The following CPNE6 variants were observed in gnomAD, a reference collection of about 807,000 sequenced individuals.
The protein encoded by CPNE6 is copine-6.
Under a neutral mutation model 71.5 loss-of-function variants are expected in CPNE6, and 33 were observed. The ratio of observed to expected loss-of-function variants is 0.46; its 90% CI spans 0.35 to 0.62. The LOEUF (loss-of-function observed/expected upper bound fraction) is 0.62, where lower values mean the gene tolerates loss of function less well. Ranked by LOEUF, CPNE6 falls within the 20% of genes least tolerant of loss-of-function variation. CPNE6 has a pLI of 0.00. For synonymous variants in CPNE6, 296 were observed against 293.0 expected (o/e 1.01, Z -0.10); for missense variants, 576 against 747.3 (o/e 0.77, Z 2.67).
chr14:24,075,395 C>T lies in CPNE6; in HGVS notation c.778-110C>T, dbSNP rs1403054824. 3 of 1,392,234 alleles carry T rather than the reference C, an allele frequency of 2.2e-6. No homozygotes were observed. Among genetic ancestry groups the T allele is most frequent in the African/African-American group, 2.8e-5 (2 of 70,522 alleles). The allele number at this position is 1,392,234 out of a possible 1,614,324, so 86.2% of individuals were successfully genotyped here. On this transcript the variant is annotated intron_variant, in intron 9 of 17. Coordinates refer to ENST00000397016, the Ensembl canonical transcript of CPNE6. The surrounding 1 kb of genome is among the most constrained non-coding windows in gnomAD (Gnocchi z 4.3). ...GGAGAGGGTGGAAAGCACCTGGGCT[C>T]AGCTGAAGGACGGAACCATGGGGGT...
At position 24,071,703 on chromosome 14, in the gene CPNE6, A is replaced by G. The variant is rs557611483; in HGVS notation, c.-5+62A>G. The G allele has an allele frequency of 3.7e-4, 252 of 683,450 alleles. 2 individuals carry two copies. The highest frequency in any genetic ancestry group is 3.4e-3 in the African/African-American group (191 of 56,008). 42.3% of individuals were successfully genotyped at this position (683,450 alleles called of 1,614,324 possible). A position where few individuals can be genotyped will look rare whatever the true frequency, so the allele number is the denominator to read the frequency against. On this transcript the variant is annotated intron_variant, in intron 2 of 17. Coordinates refer to ENST00000397016, the Ensembl canonical transcript of CPNE6. ...CAGCCCAGCTTGGCCCAGTCTCCAT[A>G]ACAACATCTCCTGGAGCCCGCAGAG... is the stretch of plus-strand genomic sequence containing the variant.
chr14:24,071,106 T>C (rs1270798652), intron 1 of CPNE6: 6 of 1,402,180 alleles, frequency 4.3e-6, no homozygotes, highest in African/African-American at 1.4e-5. Context: ...CCTTAGCTAG[T>C]GTAACAATGT....
In CPNE6 at chr14:24,073,105, G is replaced by T; in HGVS notation, c.168+1G>T. The T allele has an allele frequency of 6.9e-7, 1 of 1,452,612 alleles. No homozygotes were observed. The highest frequency in any genetic ancestry group is 9.1e-7 in the Non-Finnish European group (1 of 1,102,138). 90.0% of individuals were successfully genotyped at this position (1,452,612 alleles called of 1,614,324 possible). A position where few individuals can be genotyped will look rare whatever the true frequency, so the allele number is the denominator to read the frequency against. On this transcript the variant is annotated splice_donor_variant, in intron 3 of 17. Transcript: ENST00000397016. LOFTEE classifies it high-confidence loss of function. The surrounding 1 kb of genome is among the most constrained non-coding windows in gnomAD (Gnocchi z 5.5). ...CTACTCTGATGAGCAGTGGGTGGAG[G>T]TGAGAGCAGCTCAGGTTTCTCCTTA... is the stretch of plus-strand genomic sequence containing the variant.
exon 3 of CPNE6, chr14:24,072,967 G>C: frequency 6.3e-7 from 1 of 1,585,246 alleles, no homozygotes; most frequent in Non-Finnish European, 8.6e-7. Flanking sequence ...ATGGGTGCCT[G>C]AGCCCCCAAC....
rs777186478 is a variant in CPNE6 at position 24,071,019 on chromosome 14, T to C, written c.-129T>C. The C allele has an allele frequency of 2.7e-5, 42 of 1,535,582 alleles. No individual in the cohort carries two copies. The South Asian group carries it at 4.8e-4, about 17-fold the overall frequency. ...GGAGCACGGGAAGATCACATCCTGC[T>C]GTATTCCGGGTTAGTTTGAGTGAGT... On this transcript the variant is annotated 5_prime_UTR_variant, in exon 1 of 18. Coordinates refer to ENST00000397016, the Ensembl canonical transcript of CPNE6.
rs1024168653 is a variant in CPNE6, at chr14:24,075,009, A to G, written c.673-163A>G. Among the ~76,000 whole-genome samples the G allele has an allele frequency of 5.3e-5, 8 of 152,168 alleles. No individual in the cohort carries two copies. Among genetic ancestry groups the G allele is most frequent in the African/African-American group, 1.9e-4 (8 of 41,418 alleles). On this transcript the variant is annotated intron_variant, in intron 8 of 17. Transcript: ENST00000397016. The surrounding 1 kb of genome is among the most constrained non-coding windows in gnomAD (Gnocchi z 4.3). ...TCCCTAGCAGACTGAGCCAAAGAAC[A>G]AAGTTCAGCAGGTGGCCTCTCCGGG...
chr14:24,072,647 C>A, intron 2 of CPNE6: 1 of 318,756 alleles, frequency 3.1e-6, no homozygotes, highest in South Asian at 1.5e-4. Flanking sequence ...GGCCTAGGAG[C>A]CAAGACTGCC....
chr14:24,074,877 C>T lies in CPNE6; in HGVS notation c.672+82C>T. On this transcript the variant is annotated intron_variant, in intron 8 of 17. Transcript: ENST00000397016. The surrounding 1 kb of genome is among the most constrained non-coding windows in gnomAD (Gnocchi z 4.5). ...GACCTTTCCCCTGCATGTGGCAAGC[C>T]TCCCTCCTCTCCCCCAAGTGATAAT... 9.2e-7 allele frequency: 1 copy of T among 1,083,988 alleles called. No individual in the cohort carries two copies. Among genetic ancestry groups the T allele is most frequent in the Non-Finnish European group, 1.4e-6 (1 of 723,700 alleles). 67.1% of individuals were successfully genotyped at this position (1,083,988 alleles called of 1,614,324 possible). A position where few individuals can be genotyped will look rare whatever the true frequency, so the allele number is the denominator to read the frequency against.
chr14:24,076,698 C>T (rs763632135), intron 14 of CPNE6, 141 bp downstream of exon 13: 45 of 1,439,382 alleles, frequency 3.1e-5, no homozygotes, highest in South Asian at 5.8e-5. Context: ...CTTCCAGGGC[C>T]GAGGCCCAGC....
Position 24,075,349 on chromosome 14 carries a change from C to T in CPNE6, c.777+73C>T. ...AATCCTGAGGGTGATGCTGAAGAGACCACCATAGGTGATAGGAAGTGGAGA... is the reference window on the plus strand; with the variant it reads ...AATCCTGAGGGTGATGCTGAAGAGATCACCATAGGTGATAGGAAGTGGAGA... On this transcript the variant is annotated intron_variant, in intron 9 of 17. Transcript: ENST00000397016. This position sits in a 1 kb window ranked among gnomAD's most constrained non-coding sequence, Gnocchi z 4.3. 6 of 1,443,080 alleles carry T rather than the reference C, an allele frequency of 4.2e-6. No homozygotes were observed. The highest frequency in any genetic ancestry group is 5.9e-6 in the Non-Finnish European group (6 of 1,024,622). 89.4% of individuals were successfully genotyped at this position (1,443,080 alleles called of 1,614,324 possible). A position where few individuals can be genotyped will look rare whatever the true frequency, so the allele number is the denominator to read the frequency against.
Position 24,074,416 on chromosome 14 carries a change from C to T in CPNE6, c.498+51C>T. 1.3e-6 allele frequency: 2 copies of T among 1,553,826 alleles called. No homozygotes were observed. The highest frequency in any genetic ancestry group is 1.7e-6 in the Non-Finnish European group (2 of 1,145,820). Reference sequence around the variant, plus strand: ...CAACTCCCCTGTCACTCCTAGGCCTCCCACTCAAGACAGATCCCAGGAGCC... The same window carrying T: ...CAACTCCCCTGTCACTCCTAGGCCTTCCACTCAAGACAGATCCCAGGAGCC... On this transcript the variant is annotated intron_variant, in intron 6 of 17. Coordinates refer to ENST00000397016, the Ensembl canonical transcript of CPNE6. The surrounding 1 kb of genome is among the most constrained non-coding windows in gnomAD (Gnocchi z 4.5).
chr14:24,071,501 G>GGGGCC, intron 1 of CPNE6, 61 bp from the exon 1 acceptor site: 606 of 1,415,430 alleles, frequency 4.3e-4, no homozygotes, highest in Non-Finnish European at 5.3e-4. Context: ...CTGGTGCTGC[G>GGGGCC]CCCCCCCCCA....
At position 24,073,162 on chromosome 14, in the gene CPNE6, G is replaced by A. The variant is rs916154034; in HGVS notation, c.168+58G>A. On this transcript the variant is annotated intron_variant, in intron 3 of 17. Coordinates refer to ENST00000397016, the Ensembl canonical transcript of CPNE6. This position sits in a 1 kb window ranked among gnomAD's most constrained non-coding sequence, Gnocchi z 5.5. Reference sequence around the variant, plus strand: ...CTGGGTTAAGCTTGGGAAAGAGGGAGGCTGGGTGGGAGCAGTGAAAGCCTT... The same window carrying A: ...CTGGGTTAAGCTTGGGAAAGAGGGAAGCTGGGTGGGAGCAGTGAAAGCCTT... 6 of 1,400,404 alleles carry A rather than the reference G, an allele frequency of 4.3e-6. No individual in the cohort carries two copies. The highest frequency in any genetic ancestry group is 4.6e-6 in the Non-Finnish European group (5 of 1,076,014). 86.7% of individuals were successfully genotyped at this position (1,400,404 alleles called of 1,614,324 possible).
intron 2 of CPNE6, 35 bp downstream of exon 1, chr14:24,071,676 C>G (rs1007240690): frequency 2.7e-6 from 2 of 750,136 alleles, no homozygotes; most frequent in Non-Finnish European, 4.6e-6. Context: ...CCAGCCCCAG[C>G]CCAGCCCAGC....
chr14:24,076,986 C>A, exon 15 of CPNE6: 1 of 1,611,642 alleles, frequency 6.2e-7, no homozygotes, highest in Non-Finnish European at 8.5e-7. Context: ...GCCGGCCCAG[C>A]GGGAGCAGAG....
rs1365263783 is a variant in CPNE6 at position 24,077,165 on chromosome 14, G to A, written c.1311G>A (p.Val437=). ...CTGCTTGCCCTCAGAAGTACTCGGT[G>A]CTGCTGGTGCTCACTGACGGTGTGG... is the stretch of plus-strand genomic sequence containing the variant. The change falls in exon 16 of 18, where the codon GTG becomes GTA. Residue 437 remains valine, a synonymous_variant. Transcript: ENST00000397016. This position sits in a 1 kb window ranked among gnomAD's most constrained non-coding sequence, Gnocchi z 6.1. 5 of 1,604,294 alleles carry A rather than the reference G, an allele frequency of 3.1e-6. No homozygotes were observed. In the East Asian group the frequency reaches 6.7e-5, roughly 21 times the overall value.
exon 1 of CPNE6, chr14:24,071,007 A>C: frequency 6.5e-7 from 1 of 1,535,698 alleles, no homozygotes; most frequent in South Asian, 1.2e-5. Flanking sequence ...GCACGGGAAG[A>C]TCACATCCTG....
At position 24,073,064 on chromosome 14, in the gene CPNE6, G is replaced by T; in HGVS notation, c.128G>T (p.Cys43Phe). The T allele has an allele frequency of 6.5e-7, 1 of 1,533,326 alleles. No homozygotes were observed. Among genetic ancestry groups the T allele is most frequent in the East Asian group, 2.5e-5 (1 of 40,186 alleles). 95.0% of individuals were successfully genotyped at this position (1,533,326 alleles called of 1,614,324 possible). The change falls in exon 3 of 18, where the codon TGC becomes TTC. Residue 43 changes from cysteine (C) to phenylalanine (F), a missense_variant. Cys to Phe is a radical substitution (Grantham distance 205). This residue lies in a region of CPNE6 where 89 missense variants were observed against 80.4 expected (regional missense o/e 1.11). Transcript: ENST00000397016. This position sits in a 1 kb window ranked among gnomAD's most constrained non-coding sequence, Gnocchi z 5.5. ...GACACACTCACCAAACCCCACCCCT[G>T]CGTGCTGCTCAAGCTCTACTCTGAT...
chr14:24,077,997 A>C lies in CPNE6; in HGVS notation c.*147A>C. 1 of 367,742 alleles carries C rather than the reference A, an allele frequency of 2.7e-6. No individual in the cohort carries two copies. 22.8% of individuals were successfully genotyped at this position (367,742 alleles called of 1,614,324 possible). A position where few individuals can be genotyped will look rare whatever the true frequency, so the allele number is the denominator to read the frequency against. Reference sequence around the variant, plus strand: ...GGTGGGTCCTGCTCCTATCTCTCCAAACCCCATACCCTTCAATGCTGTGGC... The same window carrying C: ...GGTGGGTCCTGCTCCTATCTCTCCACACCCCATACCCTTCAATGCTGTGGC... On this transcript the variant is annotated 3_prime_UTR_variant, in exon 18 of 18. Coordinates refer to ENST00000397016, the Ensembl canonical transcript of CPNE6. This position sits in a 1 kb window ranked among gnomAD's most constrained non-coding sequence, Gnocchi z 6.1.
Sources: gnomAD v4.1 joint callset for allele counts (sites outside exome capture counted in the v4.1 genomes callset) on GRCh38, gnomAD v4.1.1 for gene constraint, gnomAD v4.1.1 regional missense constraint, Gnocchi (gnomAD v3.1) non-coding constraint, MANE v1.5 for transcripts, NCBI Gene and HGNC (gene_info 2026-07-23, HGNC 2026-07-21) for gene names.